MAPK14: variants seen among roughly 807,000 people sequenced by gnomAD.
The protein encoded by MAPK14 is mitogen-activated protein kinase 14.
In MAPK14, 16 loss-of-function variants were observed where a neutral mutation model predicts 49.6. That is an observed-to-expected ratio of 0.32 (90% confidence interval 0.22 to 0.49). The LOEUF (loss-of-function observed/expected upper bound fraction) is 0.49, where lower values mean the gene tolerates loss of function less well. MAPK14 is among the 20% of genes least tolerant of loss of function. MAPK14 has a pLI of 0.99. For missense variants in MAPK14, 200 were observed against 441.2 expected, an observed-to-expected ratio of 0.45 and a Z score of 4.90; for synonymous variants, 142 against 158.0, an observed-to-expected ratio of 0.90 and a Z score of 0.76.
At chr6:36,030,629 A>G (rs1008499938) in intron 1 of MAPK14, among the ~76,000 whole-genome samples, 25 of 149,102 alleles carry the variant, frequency 1.7e-4, no homozygotes, top group Non-Finnish European at 2.5e-4. Flanking sequence ...GGAGGTTGCA[A>G]TGAGCTGAGA....
At position 36,107,214 on chromosome 6, in the gene MAPK14, T is replaced by C. The variant is rs897715980; in HGVS notation, c.842-241T>C. On this transcript the variant is annotated intron_variant, in intron 10 of 11. Coordinates refer to ENST00000229794, the MANE Select transcript of MAPK14 (RefSeq NM_139012.3). The surrounding 1 kb of genome is among the most constrained non-coding windows in gnomAD (Gnocchi z 4.3). Reference sequence around the variant, plus strand: ...GAGACCCATGTAACAAATGTGCACATGTACCCCCAAATCAAAAATAAAATA... The same window carrying C: ...GAGACCCATGTAACAAATGTGCACACGTACCCCCAAATCAAAAATAAAATA... 6.6e-6 allele frequency among the ~76,000 whole-genome samples: 1 copy of C among 152,064 alleles called. No individual in the cohort carries two copies. Among genetic ancestry groups the C allele is most frequent in the African/African-American group, 2.4e-5 (1 of 41,386 alleles).
the MAPK14 span, among the ~76,000 whole-genome samples, chr6:36,124,150 C>CCCTTCCTCCCTT: frequency 6.9e-5 from 2 of 28,884 alleles, no homozygotes; most frequent in Non-Finnish European, 1.4e-4. Flanking sequence ...CTCCCTCCCT[C>CCCTTCCTCCCTT]CCTTCCTTCC....
chr6:36,087,454 GT>G (rs1193676178), intron 8 of MAPK14, among the ~76,000 whole-genome samples: 20 of 152,282 alleles, frequency 1.3e-4, no homozygotes, highest in African/African-American at 4.6e-4. Flanking sequence ...CAAAATCAAA[GT>G]GCAAAAATCA....
chr6:36,031,013 T>A (rs1027157385), intron 1 of MAPK14, among the ~76,000 whole-genome samples: 1 of 152,348 alleles, frequency 6.6e-6, no homozygotes, highest in African/African-American at 2.4e-5. Flanking sequence ...GCGTAGTTAT[T>A]TGAAGTTTTT....
chr6:36,084,950 G>A (rs1327775683), intron 8 of MAPK14, among the ~76,000 whole-genome samples: 4 of 152,126 alleles, frequency 2.6e-5, no homozygotes, highest in Non-Finnish European at 5.9e-5. Context: ...ACCTACAAAG[G>A]GAAGCCCATC....
chr6:36,029,387 C>G (rs1046783664), intron 1 of MAPK14, among the ~76,000 whole-genome samples: 1 of 152,126 alleles, frequency 6.6e-6, no homozygotes, highest in Non-Finnish European at 1.5e-5. Context: ...AATTTCCAGA[C>G]CTGAAATATT....
Position 36,074,614 on chromosome 6 carries a change from C to CT in MAPK14, c.495+527dup, listed in dbSNP as rs1045357079. ...CTCACATTTATGATAAAGACCATTT[C>CT]TTTTTTTTTCCTTTTTTTTGGGATG... On this transcript the variant is annotated intron_variant, in intron 6 of 11. Transcript: ENST00000229794. 1.7e-4 allele frequency among the ~76,000 whole-genome samples: 25 copies of CT among 150,990 alleles called. No individual in the cohort carries two copies. The South Asian group carries it at 2.3e-3, about 14-fold the overall frequency.
chr6:36,087,237 G>A (rs183291897), intron 8 of MAPK14, among the ~76,000 whole-genome samples: 63 of 151,490 alleles, frequency 4.2e-4, no homozygotes, highest in Non-Finnish European at 7.5e-4. Context: ...GCACAAGGAT[G>A]CCCTCTTTCC....
chr6:36,043,804 C>CTTTTTTTTTTTTTTT (rs796534477), intron 1 of MAPK14, among the ~76,000 whole-genome samples: 5 of 90,396 alleles, frequency 5.5e-5, no homozygotes, highest in African/African-American at 1.4e-4. Flanking sequence ...CTTTTTCTTT[C>CTTTTTTTTTTTTTTT]TTTTTTTTTT....
intron 8 of MAPK14, among the ~76,000 whole-genome samples, chr6:36,085,218 T>C (rs528656832): frequency 6.6e-5 from 10 of 152,278 alleles, no homozygotes; most frequent in Non-Finnish European, 1.3e-4. Flanking sequence ...AGAAACACAC[T>C]GTTTTCTTTT....
intron 3 of MAPK14, among the ~76,000 whole-genome samples, chr6:36,060,526 A>G (rs1322243633): frequency 6.6e-6 from 1 of 152,186 alleles, no homozygotes; most frequent in Non-Finnish European, 1.5e-5. Context: ...CCAAAACAGA[A>G]CTGAAGATCG....
chr6:36,061,567 A>G (rs141556299), intron 3 of MAPK14, among the ~76,000 whole-genome samples: 129 of 152,382 alleles, frequency 8.5e-4, no homozygotes, highest in African/African-American at 2.8e-3. Flanking sequence ...TTTATAAACA[A>G]TAACTGAGTT....
chr6:36,051,853 T>G (rs1394703424), intron 1 of MAPK14, among the ~76,000 whole-genome samples: 1 of 152,188 alleles, frequency 6.6e-6, no homozygotes, highest in Admixed American at 6.5e-5. Flanking sequence ...CAATTTCTTG[T>G]ATGTGTGGGT....
chr6:36,069,035 G>T (rs1764169409), intron 3 of MAPK14, among the ~76,000 whole-genome samples: 1 of 152,142 alleles, frequency 6.6e-6, no homozygotes, highest in Admixed American at 6.5e-5. Context: ...TAATTCCTTT[G>T]TAAAGATGTG....
In MAPK14 at chr6:36,079,477, A is replaced by G. The variant is rs143554261; in HGVS notation, c.682+2869A>G. Among the ~76,000 whole-genome samples the G allele has an allele frequency of 7.5e-3, 1,137 of 152,220 alleles. 11 individuals are homozygous for G. Among genetic ancestry groups the G allele is most frequent in the South Asian group, 0.012 (60 of 4,830 alleles). ...TCCTGGGCCACACATAAAATACACT[A>G]ATGATAGCCGATGAACTTAAAAAAA... is the stretch of plus-strand genomic sequence containing the variant. On this transcript the variant is annotated intron_variant, in intron 8 of 11. Transcript: ENST00000229794.
the MAPK14 span, among the ~76,000 whole-genome samples, chr6:36,120,789 A>G: frequency 6.6e-6 from 1 of 152,220 alleles, no homozygotes; most frequent in Non-Finnish European, 1.5e-5. Flanking sequence ...GGAGCTTCTC[A>G]AGCACAGGAA....
Position 36,108,604 on chromosome 6 carries a change from A to G in MAPK14, c.*157A>G. The G allele has an allele frequency of 3.1e-6, 2 of 648,582 alleles. No individual in the cohort carries two copies. The highest frequency in any genetic ancestry group is 5.6e-6 in the Non-Finnish European group (2 of 356,736). 40.2% of individuals were successfully genotyped at this position (648,582 alleles called of 1,614,324 possible). A position where few individuals can be genotyped will look rare whatever the true frequency, so the allele number is the denominator to read the frequency against. ...TGTGCGTGCGTGTTAGTGTGTGTGC[A>G]TGTGTGTGTCTGTCTTTGTGGGAGG... On this transcript the variant is annotated 3_prime_UTR_variant, in exon 12 of 12. Coordinates refer to ENST00000229794, the MANE Select transcript of MAPK14 (RefSeq NM_139012.3).
intron 8 of MAPK14, among the ~76,000 whole-genome samples, chr6:36,095,382 C>T (rs1765404680): frequency 6.6e-6 from 1 of 152,226 alleles, no homozygotes. Context: ...CCTCATAGTG[C>T]CTGCTATAGC....
At chr6:36,072,188 A>C (rs1225363889) in intron 3 of MAPK14, among the ~76,000 whole-genome samples, 1 of 152,132 alleles carries the variant, frequency 6.6e-6, no homozygotes, top group Non-Finnish European at 1.5e-5. Flanking sequence ...ATTTAAAAAA[A>C]TTAGCTGTGC....
Sources: gnomAD v4.1 joint callset for allele counts (sites outside exome capture counted in the v4.1 genomes callset) on GRCh38, gnomAD v4.1.1 for gene constraint, Gnocchi (gnomAD v3.1) non-coding constraint, MANE v1.5 for transcripts, NCBI Gene and HGNC (gene_info 2026-07-23, HGNC 2026-07-21) for gene names.